The following NAALADL2 variants were observed in gnomAD, a reference collection of about 807,000 sequenced individuals.
The protein encoded by NAALADL2 is inactive N-acetylated-alpha-linked acidic dipeptidase-like protein 2.
NAALADL2 carries 76 observed loss-of-function variants against 87.2 expected under a neutral mutation model. The observed-to-expected ratio is 0.87, with a 90% CI of 0.72 to 1.05. The LOEUF is 1.05. Among genes scored for constraint, NAALADL2 ranks in the 50% least tolerant of loss-of-function variants. The pLI is 0.00. For missense variants in NAALADL2, 1,089 were observed against 945.8 expected, an observed-to-expected ratio of 1.15 and a Z score of -1.99; for synonymous variants, 354 against 331.0, an observed-to-expected ratio of 1.07 and a Z score of -0.75.
In NAALADL2 at chr3:175,764,924, C is replaced by T. The variant is rs112454336; in HGVS notation, c.2189+9506C>T. On this transcript the variant is annotated intron_variant, in intron 13 of 13. Transcript: ENST00000454872. ...TAAGTCCCAAAAGGACCTCATGTTC[C>T]GTGTTTGATTGGGATAATGACTACT... Among the ~76,000 whole-genome samples, 367 of 152,008 alleles carry T rather than the reference C, an allele frequency of 2.4e-3. 1 individual carries two copies. The highest frequency in any genetic ancestry group is 8.2e-3 in the African/African-American group (342 of 41,464).
In NAALADL2 at chr3:174,696,593, T is replaced by TAAAAAA. The variant is rs62946360; in HGVS notation, c.-114-41029_-114-41024dup. 4.9e-4 allele frequency among the ~76,000 whole-genome samples: 54 copies of TAAAAAA among 110,492 alleles called. 2 individuals are homozygous for TAAAAAA. Among genetic ancestry groups the TAAAAAA allele is most frequent in the African/African-American group, 9.5e-4 (25 of 26,246 alleles). The allele number at this position is 110,492 out of a possible 152,430, so 72.5% of individuals were successfully genotyped here. A position where few individuals can be genotyped will look rare whatever the true frequency, so the allele number is the denominator to read the frequency against. On this transcript the variant is annotated intron_variant, in intron 2 of 3. Coordinates refer to the NAALADL2 transcript ENST00000434257. ...TAGGGGTCAGGCAGGTGTAGTTATC[T>TAAAAAA]AAAAAAAAAAAAAAAAAAAAAAAAG...
chr3:175,211,711 G>A (rs1741791707), intron 2 of NAALADL2, among the ~76,000 whole-genome samples: 1 of 151,766 alleles, frequency 6.6e-6, no homozygotes, highest in Non-Finnish European at 1.5e-5. Flanking sequence ...TAAATATATG[G>A]GACTTGCTTG....
chr3:175,236,700 G>A (rs1030033007), intron 3 of NAALADL2, among the ~76,000 whole-genome samples: 1 of 152,152 alleles, frequency 6.6e-6, no homozygotes, highest in African/African-American at 2.4e-5. Flanking sequence ...AAGGTCATTT[G>A]GAAGAATCTG....
intron 2 of NAALADL2, among the ~76,000 whole-genome samples, chr3:174,612,127 G>C (rs553601594): frequency 2.0e-4 from 31 of 151,974 alleles, no homozygotes; most frequent in Non-Finnish European, 4.3e-4. Context: ...CTCTCTCCTG[G>C]CCTGTAAAGT....
chr3:175,771,664 C>T (rs765702002), intron 13 of NAALADL2, among the ~76,000 whole-genome samples: 43 of 152,120 alleles, frequency 2.8e-4, no homozygotes, highest in Admixed American at 3.3e-4. Context: ...TTTAATCTCT[C>T]CCCATCTCTC....
chr3:175,710,664 A>G (rs1477638569), intron 11 of NAALADL2, among the ~76,000 whole-genome samples: 1 of 151,632 alleles, frequency 6.6e-6, no homozygotes. Flanking sequence ...GGAAGAATAT[A>G]TATGTCTATA....
chr3:174,873,195 G>GTC (rs1163471271), intron 1 of NAALADL2, among the ~76,000 whole-genome samples: 1 of 137,684 alleles, frequency 7.3e-6, no homozygotes, highest in Non-Finnish European at 1.5e-5. Context: ...CACTCTCTCT[G>GTC]TCTGTCTCTC....
At chr3:175,328,787 C>A (rs533092204) in intron 5 of NAALADL2, among the ~76,000 whole-genome samples, 1 of 152,112 alleles carries the variant, frequency 6.6e-6, no homozygotes, top group East Asian at 1.9e-4. Context: ...GGCCTAAAAT[C>A]ATAAATCAGC....
intron 1 of NAALADL2, among the ~76,000 whole-genome samples, chr3:175,030,398 T>A (rs1021358763): frequency 1.3e-5 from 2 of 152,118 alleles, no homozygotes; most frequent in Non-Finnish European, 2.9e-5. Flanking sequence ...TTGATTCCTG[T>A]AAATGCATTT....
intron 1 of NAALADL2, among the ~76,000 whole-genome samples, chr3:174,516,395 A>C (rs1434236676): frequency 1.3e-5 from 2 of 151,998 alleles, no homozygotes; most frequent in Non-Finnish European, 2.9e-5. Flanking sequence ...GGGAGTAAGG[A>C]GTTTACTACT....
chr3:175,137,304 A>G (rs913611587), intron 2 of NAALADL2, among the ~76,000 whole-genome samples: 1 of 152,130 alleles, frequency 6.6e-6, no homozygotes, highest in Non-Finnish European at 1.5e-5. Flanking sequence ...TCACCCACAT[A>G]TATTATTTTA....
At chr3:174,551,398 G>T (rs916963459) in intron 2 of NAALADL2, 1 of 152,064 alleles carries the variant, frequency 6.6e-6, no homozygotes, top group African/African-American at 2.4e-5. Flanking sequence ...CCTCACATAA[G>T]TTATTCAGAT....
chr3:175,362,585 A>C (rs539945501), intron 5 of NAALADL2, among the ~76,000 whole-genome samples: 2 of 148,124 alleles, frequency 1.4e-5, no homozygotes, highest in Non-Finnish European at 3.0e-5. Context: ...TCATTGATTT[A>C]TGGGCATTTG....
At chr3:175,712,560 C>G (rs1417615775) in intron 11 of NAALADL2, among the ~76,000 whole-genome samples, 3 of 152,026 alleles carry the variant, frequency 2.0e-5, no homozygotes. Flanking sequence ...AAAGTACTAT[C>G]CTCTCTGGCC....
chr3:175,764,734 C>G (rs192164974), intron 13 of NAALADL2, among the ~76,000 whole-genome samples: 35 of 152,174 alleles, frequency 2.3e-4, no homozygotes, highest in African/African-American at 7.7e-4. Flanking sequence ...TGAGACGGAA[C>G]TATTAAAAAG....
At chr3:174,723,481 C>T (rs989034421) in intron 2 of NAALADL2, among the ~76,000 whole-genome samples, 7 of 152,000 alleles carry the variant, frequency 4.6e-5, no homozygotes, top group African/African-American at 9.7e-5. Context: ...TAGGGCTGGG[C>T]GTGGTGGCTC....
intron 1 of NAALADL2, among the ~76,000 whole-genome samples, chr3:175,089,701 T>G (rs1203349610): frequency 6.6e-6 from 1 of 152,124 alleles, no homozygotes; most frequent in Non-Finnish European, 1.5e-5. Flanking sequence ...TTTCTCTGAC[T>G]AGATAGAGCA....
intron 6 of NAALADL2, among the ~76,000 whole-genome samples, chr3:175,455,656 CAG>C (rs1488956370): frequency 1.3e-5 from 2 of 152,004 alleles, no homozygotes; most frequent in Admixed American, 6.6e-5. Flanking sequence ...ATTAGACAAT[CAG>C]GGGATAGCTA....
chr3:174,557,274 T>TA (rs1209351310), intron 2 of NAALADL2, among the ~76,000 whole-genome samples: 1 of 152,116 alleles, frequency 6.6e-6, no homozygotes, highest in East Asian at 1.9e-4. Flanking sequence ...AACCTTGACT[T>TA]AAAAAAATAC....
Sources: allele counts gnomAD v4.1 joint callset (sites outside exome capture counted in the v4.1 genomes callset), GRCh38; gene constraint gnomAD v4.1.1; transcripts MANE v1.5; gene names NCBI Gene and HGNC (gene_info 2026-07-23, HGNC 2026-07-21).